The following NAALADL2 variants were observed in gnomAD, a reference collection of about 807,000 sequenced individuals.
NAALADL2 encodes the protein inactive N-acetylated-alpha-linked acidic dipeptidase-like protein 2.
A neutral mutation model predicts 87.2 loss-of-function variants in NAALADL2; 76 were observed. The ratio of observed to expected loss-of-function variants is 0.87; its 90% confidence interval spans 0.72 to 1.05. NAALADL2 has a LOEUF of 1.05. Among genes scored for constraint, NAALADL2 ranks in the 50% least tolerant of loss-of-function variants. The pLI is 0.00. For synonymous variants in NAALADL2, 354 were observed against 331.0 expected (o/e 1.07, Z -0.75); for missense variants, 1,089 against 945.8 (o/e 1.15, Z -1.99).
At chr3:175,315,301 T>C (rs1476246002) in intron 4 of NAALADL2, among the ~76,000 whole-genome samples, 1 of 152,186 alleles carries the variant, frequency 6.6e-6, no homozygotes, top group Non-Finnish European at 1.5e-5. Context: ...ACTTAGTGAT[T>C]CTTTGAGCTA....
At chr3:175,175,902 A>G (rs1163462514) in intron 2 of NAALADL2, among the ~76,000 whole-genome samples, 2 of 152,108 alleles carry the variant, frequency 1.3e-5, no homozygotes, top group Non-Finnish European at 2.9e-5. Flanking sequence ...TTTGTAATAC[A>G]TATTTTCAAA....
intron 2 of NAALADL2, among the ~76,000 whole-genome samples, chr3:174,623,010 A>T (rs865830066): frequency 3.9e-4 from 59 of 152,218 alleles, no homozygotes; most frequent in Admixed American, 1.0e-3. Flanking sequence ...GCCACTGCAC[A>T]CCAGCCTGGA....
chr3:175,314,563 C>CTATATATATATATA (rs57049565), intron 4 of NAALADL2, among the ~76,000 whole-genome samples: 13 of 69,596 alleles, frequency 1.9e-4, no homozygotes, highest in Non-Finnish European at 2.2e-4. Flanking sequence ...CACATTCTAA[C>CTATATATATATATA]TATATATATA....
Position 174,730,305 on chromosome 3 carries a change from C to G in NAALADL2, c.-114-7336C>G, listed in dbSNP as rs561050815. 6.6e-5 allele frequency among the ~76,000 whole-genome samples: 10 copies of G among 152,042 alleles called. 1 individual carries two copies. The East Asian group carries it at 1.9e-3, about 29-fold the overall frequency. On this transcript the variant is annotated intron_variant, in intron 2 of 3. Coordinates refer to the NAALADL2 transcript ENST00000434257. ...TTATCTGTGTGTCCGTTTATATATT[C>G]ATTAATTTGTGGTTTAAATTTGTGA... is the stretch of plus-strand genomic sequence containing the variant.
At chr3:174,625,205 C>T (rs992034651) in intron 2 of NAALADL2, among the ~76,000 whole-genome samples, 5 of 151,776 alleles carry the variant, frequency 3.3e-5, no homozygotes, top group African/African-American at 1.2e-4. Flanking sequence ...ACTATGGGCA[C>T]ACGCCACCAC....
chr3:175,412,891 T>TTTTTTATTATTA (rs776876343), intron 5 of NAALADL2, among the ~76,000 whole-genome samples: 3 of 123,012 alleles, frequency 2.4e-5, no homozygotes, highest in Non-Finnish European at 3.3e-5. Flanking sequence ...ATTTAATTTA[T>TTTTTTATTATTA]TTATTATTAT....
chr3:175,184,438 A>G (rs1376668076), intron 2 of NAALADL2, among the ~76,000 whole-genome samples: 1 of 152,122 alleles, frequency 6.6e-6, no homozygotes, highest in South Asian at 2.1e-4. Flanking sequence ...TGTTGTGACT[A>G]TTTAGTACAT....
At chr3:175,358,259 T>C (rs1218609744) in intron 5 of NAALADL2, among the ~76,000 whole-genome samples, 1 of 152,174 alleles carries the variant, frequency 6.6e-6, no homozygotes, top group African/African-American at 2.4e-5. Flanking sequence ...AATCATTTTC[T>C]TCTTATTTAT....
intron 2 of NAALADL2, among the ~76,000 whole-genome samples, chr3:175,212,093 A>G (rs1310559398): frequency 6.6e-6 from 1 of 152,074 alleles, no homozygotes; most frequent in African/African-American, 2.4e-5. Flanking sequence ...AATTTAAATG[A>G]CACTTTATTA....
Position 175,471,652 on chromosome 3 carries a change from T to C in NAALADL2, c.1547T>C (p.Val516Ala). The C allele has an allele frequency of 3.3e-6, 5 of 1,498,442 alleles. No individual in the cohort carries two copies. The South Asian group carries it at 5.8e-5, about 17-fold the overall frequency. The allele number at this position is 1,498,442 out of a possible 1,614,324, so 92.8% of individuals were successfully genotyped here. The change falls in exon 9 of 14, where the codon GTT becomes GCT. Residue 516 changes from valine (V) to alanine (A), a missense_variant. Transcript: ENST00000454872. ...SYEWGEDFKKVLQKNVVAYIS... is the reference protein window; with the variant it reads ...SYEWGEDFKKALQKNVVAYIS... ...TTGTTATTTCAGGATTTCAAGAAGGTTCTTCAGAAAAATGTTGTGGCTTAT... is the reference window on the plus strand; with the variant it reads ...TTGTTATTTCAGGATTTCAAGAAGGCTCTTCAGAAAAATGTTGTGGCTTAT...
intron 11 of NAALADL2, among the ~76,000 whole-genome samples, chr3:175,695,501 G>T (rs1054892983): frequency 6.6e-6 from 1 of 152,110 alleles, no homozygotes; most frequent in Non-Finnish European, 1.5e-5. Context: ...AAGAACACTT[G>T]CTGGAAAAAT....
At chr3:174,804,023 C>G (rs565773016) in intron 3 of NAALADL2, among the ~76,000 whole-genome samples, 39 of 152,186 alleles carry the variant, frequency 2.6e-4, no homozygotes, top group African/African-American at 6.5e-4. Context: ...ATGGTAGCTT[C>G]ATGGGGATAG....
At chr3:175,137,650 G>A (rs1729321659) in intron 2 of NAALADL2, among the ~76,000 whole-genome samples, 1 of 149,068 alleles carries the variant, frequency 6.7e-6, no homozygotes, top group African/African-American at 2.5e-5. Context: ...CTGTTGCCCA[G>A]GCTAGAGTGC....
intron 1 of NAALADL2, among the ~76,000 whole-genome samples, chr3:175,090,506 C>T (rs538420136): frequency 1.3e-5 from 2 of 152,016 alleles, no homozygotes; most frequent in African/African-American, 4.8e-5. Flanking sequence ...CTAGCAGGTG[C>T]TCATGCATAT....
intron 5 of NAALADL2, among the ~76,000 whole-genome samples, chr3:175,398,787 T>C (rs967787184): frequency 6.6e-6 from 1 of 152,092 alleles, no homozygotes; most frequent in Non-Finnish European, 1.5e-5. Flanking sequence ...CATTTAAGTT[T>C]ATTAGTCATT....
chr3:175,800,243 T>A (rs1008315574), intron 13 of NAALADL2, among the ~76,000 whole-genome samples: 7 of 151,508 alleles, frequency 4.6e-5, no homozygotes, highest in Non-Finnish European at 8.8e-5. Context: ...CTACAGAGCT[T>A]CTACACTCCA....
At chr3:175,248,903 T>C (rs1210095948) in intron 3 of NAALADL2, among the ~76,000 whole-genome samples, 7 of 152,178 alleles carry the variant, frequency 4.6e-5, no homozygotes. Context: ...TTTCAATGAA[T>C]AATATAGCTG....
rs369578593 is a variant in NAALADL2 at position 175,234,039 on chromosome 3, T to C, written c.654T>C (p.Ser218=). 2 of 1,613,952 alleles carry C rather than the reference T, an allele frequency of 1.2e-6. No individual in the cohort carries two copies. Among genetic ancestry groups the C allele is most frequent in the East Asian group, 4.5e-5 (2 of 44,876 alleles). The stretch of plus-strand genomic sequence containing the variant: ...AAGATGTACAGTTTGTAAATTACTC[T>C]GTGCTGCTTGATCTGCCAGGCCCTT... ...GLEDVQFVNY[S]VLLDLPGPSP... The change falls in exon 3 of 14, where the codon TCT becomes TCC. Residue 218 remains serine, a synonymous_variant. Transcript: ENST00000454872.
chr3:175,368,989 A>G (rs1324041799), intron 5 of NAALADL2, among the ~76,000 whole-genome samples: 1 of 152,192 alleles, frequency 6.6e-6, no homozygotes. Flanking sequence ...GTGAATGAGC[A>G]GTGAGCAAAT....
Sources: gnomAD v4.1 joint callset for allele counts (sites outside exome capture counted in the v4.1 genomes callset) on GRCh38, gnomAD v4.1.1 for gene constraint, MANE v1.5 for transcripts, NCBI Gene and HGNC (gene_info 2026-07-23, HGNC 2026-07-21) for gene names.